Variants in PAFAH2 observed in about 807,000 individuals in gnomAD.
PAFAH2 encodes the protein platelet activating factor acetylhydrolase 2, also known as platelet-activating factor acetylhydrolase 2, cytoplasmic.
In PAFAH2, 42 loss-of-function variants were observed where a neutral mutation model predicts 49.0. That is an observed-to-expected ratio of 0.86 (90% CI 0.67 to 1.11). The LOEUF is 1.11. PAFAH2 is among the 50% of genes least tolerant of loss of function. The pLI, the probability that PAFAH2 is intolerant of heterozygous loss-of-function variation, is 0.00. For missense variants in PAFAH2, 503 were observed against 501.8 expected (o/e 1.00, Z -0.02); for synonymous variants, 184 against 181.3 (o/e 1.01, Z -0.12).
At chr1:25,979,467 A>G (rs1476415502) in intron 7 of PAFAH2, among the ~76,000 whole-genome samples, 1 of 152,038 alleles carries the variant, frequency 6.6e-6, no homozygotes, top group Non-Finnish European at 1.5e-5. Context: ...AACTATAGGC[A>G]CATGTCACCA....
Position 25,997,707 on chromosome 1 carries a change from G to C in PAFAH2, c.-48+318C>G, listed in dbSNP as rs1164895072. 3 of 152,896 alleles carry C rather than the reference G, an allele frequency of 2.0e-5. No homozygotes were observed. In the East Asian group the frequency reaches 5.8e-4, roughly 29 times the overall value. The allele number at this position is 152,896 out of a possible 1,614,324, so 9.5% of individuals were successfully genotyped here. On this transcript the variant is annotated intron_variant, in intron 1 of 10. Coordinates refer to ENST00000374282, the MANE Select transcript of PAFAH2 (RefSeq NM_000437.4). Reference sequence around the variant, plus strand: ...GAGCATAAAGAAGCCCGGGGTTCAGGGATGTGAGGCTGCAGGGTGAAGGTA... The same window carrying C: ...GAGCATAAAGAAGCCCGGGGTTCAGCGATGTGAGGCTGCAGGGTGAAGGTA...
intron 4 of PAFAH2, among the ~76,000 whole-genome samples, chr1:25,987,402 G>A (rs1377765580): frequency 6.6e-6 from 1 of 151,994 alleles, no homozygotes; most frequent in Admixed American, 6.6e-5. Context: ...CATATATGTT[G>A]ATGAACAGAC....
intron 7 of PAFAH2, among the ~76,000 whole-genome samples, chr1:25,980,611 T>TTTTATATATA (rs369555868): frequency 0.01 from 746 of 74,188 alleles, 8 homozygotes; most frequent in African/African-American, 0.023. Flanking sequence ...TGGGCCATAT[T>TTTTATATATA]TATATATATA....
rs886827831 is a variant in PAFAH2, at chr1:25,972,641, G to A, written c.1001C>T (p.Thr334Ile). The A allele has an allele frequency of 6.2e-7, 1 of 1,613,950 alleles. No individual in the cohort carries two copies. Among genetic ancestry groups the A allele is most frequent in the African/African-American group, 1.3e-5 (1 of 75,026 alleles). Reference protein sequence around the residue: ...TGNLIGKFFSTETRGSLDPYE... With the variant: ...TGNLIGKFFSIETRGSLDPYE... ...GGGGTCCAGGCTCCCACGGGTTTCA[G>A]TGGAGAAGAATTTACCAATCAAGTT... Residue 334 changes from threonine (T) to isoleucine (I), a missense_variant, in exon 10 of 11, where the codon ACT (threonine) becomes ATT (isoleucine). By Grantham distance (89) the Thr-to-Ile change is moderately conservative. Coordinates refer to ENST00000374282, the MANE Select transcript of PAFAH2 (RefSeq NM_000437.4).
chr1:25,969,263 C>T (rs562290948), intron 10 of PAFAH2, among the ~76,000 whole-genome samples: 2 of 152,216 alleles, frequency 1.3e-5, no homozygotes, highest in Non-Finnish European at 2.9e-5. Context: ...CCTGTGAACC[C>T]TCCACTAAGA....
intron 10 of PAFAH2, among the ~76,000 whole-genome samples, chr1:25,969,817 CT>C (rs376302110): frequency 7.8e-4 from 118 of 152,202 alleles, no homozygotes; most frequent in African/African-American, 2.6e-3. Flanking sequence ...TCATCTTAAG[CT>C]TTTATAATGA....
At chr1:25,967,031 C>CAAAA in intron 10 of PAFAH2, among the ~76,000 whole-genome samples, 2 of 84,192 alleles carry the variant, frequency 2.4e-5, no homozygotes, top group Non-Finnish European at 4.2e-5. Flanking sequence ...GACGCCTTCT[C>CAAAA]AAAAAAAAAA....
chr1:25,970,000 T>G (rs1232427774), intron 10 of PAFAH2, among the ~76,000 whole-genome samples: 1 of 152,164 alleles, frequency 6.6e-6, no homozygotes, highest in Non-Finnish European at 1.5e-5. Context: ...AGGCTCACGA[T>G]GTGTAAGATG....
rs2049860033 is a variant in PAFAH2, at chr1:25,990,751, A to G, written c.66T>C (p.Asp22=). 2 of 1,613,922 alleles carry G rather than the reference A, an allele frequency of 1.2e-6. No individual in the cohort carries two copies. The highest frequency in any genetic ancestry group is 1.1e-5 in the South Asian group (1 of 91,046). The part of the protein sequence containing the change: ...VTGPHLVGCG[D]VMEGQNLQGS... ...CCTGGAGATTCTGACCCTCCATCACATCCCCACAGCCTACGAGGTGGGGTC... is the reference window on the plus strand; with the variant it reads ...CCTGGAGATTCTGACCCTCCATCACGTCCCCACAGCCTACGAGGTGGGGTC... The change falls in exon 2 of 11, where the codon GAT becomes GAC. Residue 22 remains aspartate, a synonymous_variant. Coordinates refer to ENST00000374282, the MANE Select transcript of PAFAH2 (RefSeq NM_000437.4).
At chr1:25,980,852 T>C (rs2049676743) in intron 7 of PAFAH2, among the ~76,000 whole-genome samples, 1 of 151,634 alleles carries the variant, frequency 6.6e-6, no homozygotes, top group African/African-American at 2.4e-5. Flanking sequence ...ACCCCATCTC[T>C]ACAAAATACA....
In PAFAH2 at chr1:25,962,042, C is replaced by T. The variant is rs1167508127; in HGVS notation, c.1126G>A (p.Gly376Ser). Reference sequence around the variant, plus strand: ...CCTGGGGTGAGCGACGGTCCAATGCCTTCAATAAGGTTGTTCCATTGATTA... The same window carrying T: ...CCTGGGGTGAGCGACGGTCCAATGCTTTCAATAAGGTTGTTCCATTGATTA... ...DYNQWNNLIE[G>S]IGPSLTPGAP... Residue 376 changes from glycine to serine, a missense_variant, in exon 11 of 11, where the codon GGC becomes AGC. Coordinates refer to ENST00000374282, the MANE Select transcript of PAFAH2 (RefSeq NM_000437.4). 5 of 1,613,816 alleles carry T rather than the reference C, an allele frequency of 3.1e-6. No individual in the cohort carries two copies. The highest frequency in any genetic ancestry group is 3.3e-5 in the Admixed American group (2 of 59,972).
In PAFAH2 at chr1:25,959,869, A is replaced by G. The variant is rs1365621805; in HGVS notation, c.*2120T>C. On this transcript the variant is annotated 3_prime_UTR_variant, in exon 11 of 11. Coordinates refer to ENST00000374282, the MANE Select transcript of PAFAH2 (RefSeq NM_000437.4). ...CAACAAATTTTGAAGGATGGAAACC[A>G]TATGGGTCATTTTCTCTGACCACAA... 1 of 152,238 alleles carries G rather than the reference A, an allele frequency of 6.6e-6. No individual in the cohort carries two copies. The highest frequency in any genetic ancestry group is 1.5e-5 in the Non-Finnish European group (1 of 68,040). 9.4% of individuals were successfully genotyped at this position (152,238 alleles called of 1,614,324 possible).
At chr1:25,965,921 G>C (rs1272735) in intron 10 of PAFAH2, among the ~76,000 whole-genome samples, 4 of 125,116 alleles carry the variant, frequency 3.2e-5, no homozygotes, top group Non-Finnish European at 6.9e-5. Context: ...GCATTCTGCA[G>C]AAACTGGACT....
chr1:25,984,514 GCTGAATACAA>G lies in PAFAH2; in HGVS notation c.346_355del (p.Leu116ProfsTer71), dbSNP rs757800530. The G allele has an allele frequency of 3.2e-5, 51 of 1,613,496 alleles. No homozygotes were observed. Among genetic ancestry groups the G allele is most frequent in the Non-Finnish European group, 4.0e-5 (47 of 1,179,716 alleles). On this transcript the variant is annotated frameshift_variant, in exon 5 of 11. Transcript: ENST00000374282. LOFTEE classifies it high-confidence loss of function. ...ACGTGAGGCCAGCTCCATGCAGAAG[GCTGAATACAA>G]AGTCCTGGAGATTCAAAAAGGAACA... is the stretch of plus-strand genomic sequence containing the variant.
Position 25,984,101 on chromosome 1 carries a change from A to G in PAFAH2, c.411-14T>C. On this transcript the variant is annotated splice_polypyrimidine_tract_variant and intron_variant, in intron 5 of 10. Transcript: ENST00000374282. Reference sequence around the variant, plus strand: ...GCTGACCGGTCCCTGAAATACACACATCATCAGAGAGAAACCAGAAAACAT... The same window carrying G: ...GCTGACCGGTCCCTGAAATACACACGTCATCAGAGAGAAACCAGAAAACAT... 6.2e-7 allele frequency: 1 copy of G among 1,613,612 alleles called. No homozygotes were observed. Among genetic ancestry groups the G allele is most frequent in the South Asian group, 1.1e-5 (1 of 91,066 alleles).
At chr1:25,988,627 A>C (rs970051031) in intron 3 of PAFAH2, among the ~76,000 whole-genome samples, 9 of 151,630 alleles carry the variant, frequency 5.9e-5, no homozygotes, top group African/African-American at 2.2e-4. Flanking sequence ...GCCAAGTGAA[A>C]CCCCGTCTCT....
chr1:25,977,046 G>A (rs554253781), intron 7 of PAFAH2, among the ~76,000 whole-genome samples: 247 of 133,774 alleles, frequency 1.8e-3, no homozygotes, highest in African/African-American at 6.6e-3. Flanking sequence ...TTTTTGAGAC[G>A]GAGTCTCGCT....
chr1:25,963,553 G>A (rs1438069406), intron 10 of PAFAH2, among the ~76,000 whole-genome samples: 2 of 152,170 alleles, frequency 1.3e-5, no homozygotes, highest in Non-Finnish European at 2.9e-5. Context: ...TCACCAGGCT[G>A]GAGTGCAGTG....
At chr1:25,976,258 G>C (rs1405804400) in intron 8 of PAFAH2, among the ~76,000 whole-genome samples, 1 of 151,896 alleles carries the variant, frequency 6.6e-6, no homozygotes, top group Non-Finnish European at 1.5e-5. Flanking sequence ...CCTGCCTCAG[G>C]CTTCAAAGTA....
Sources: gnomAD v4.1 joint callset for allele counts (sites outside exome capture counted in the v4.1 genomes callset) on GRCh38, gnomAD v4.1.1 for gene constraint, MANE v1.5 for transcripts, NCBI Gene and HGNC (gene_info 2026-07-23, HGNC 2026-07-21) for gene names.